The following DNAAF9 variants were observed in gnomAD, a reference collection of about 807,000 sequenced individuals.
The protein encoded by DNAAF9 is dynein axonemal assembly factor 9.
Under a neutral mutation model 167.0 loss-of-function variants are expected in DNAAF9, and 90 were observed. That is an observed-to-expected ratio of 0.54 (90% CI 0.45 to 0.64). The LOEUF is 0.64. DNAAF9 is among the 30% of genes least tolerant of loss of function. The pLI is 0.00. For missense variants in DNAAF9, 1,315 were observed against 1,442.2 expected, an observed-to-expected ratio of 0.91 and a Z score of 1.43; for synonymous variants, 491 against 508.8, an observed-to-expected ratio of 0.96 and a Z score of 0.47.
chr20:3,299,060 C>T (rs1029704432), intron 21 of DNAAF9, among the ~76,000 whole-genome samples: 1 of 151,738 alleles, frequency 6.6e-6, no homozygotes, highest in African/African-American at 2.4e-5. Flanking sequence ...AGGTCCGTGC[C>T]ACCATGCCCG....
rs745753589 is a variant in DNAAF9, at chr20:3,348,629, A to G, written c.691-6T>C. ...TGTTCAAAAGCCACCAAATCCTGGG[A>G]AAAAAAGGAAAAAGATAACGTGTTT... On this transcript the variant is annotated splice_polypyrimidine_tract_variant and splice_region_variant and intron_variant, in intron 7 of 36. Coordinates refer to ENST00000252032, the MANE Select transcript of DNAAF9 (RefSeq NM_001009984.3). 1.9e-6 allele frequency: 3 copies of G among 1,547,870 alleles called. No individual in the cohort carries two copies. Among genetic ancestry groups the G allele is most frequent in the South Asian group, 1.2e-5 (1 of 85,418 alleles).
intron 18 of DNAAF9, among the ~76,000 whole-genome samples, chr20:3,316,309 T>C (rs1351226284): frequency 6.6e-6 from 1 of 152,118 alleles, no homozygotes; most frequent in Admixed American, 6.5e-5. Flanking sequence ...AGATGGGACT[T>C]TTCTACTAGC....
intron 6 of DNAAF9, among the ~76,000 whole-genome samples, chr20:3,367,358 T>G (rs1278710399): frequency 6.6e-6 from 1 of 152,264 alleles, no homozygotes; most frequent in Non-Finnish European, 1.5e-5. Context: ...TTATAATTTG[T>G]GTTCAGTGAA....
chr20:3,334,707 A>G (rs1385028403), intron 10 of DNAAF9, among the ~76,000 whole-genome samples: 1 of 152,206 alleles, frequency 6.6e-6, no homozygotes, highest in Non-Finnish European at 1.5e-5. Context: ...TATCCTCACC[A>G]GCATTTGGTG....
intron 29 of DNAAF9, among the ~76,000 whole-genome samples, chr20:3,274,628 G>A (rs1427387989): frequency 1.3e-5 from 2 of 152,158 alleles, no homozygotes; most frequent in Non-Finnish European, 2.9e-5. Context: ...GATGGGAACC[G>A]TAACACATCA....
At position 3,349,927 on chromosome 20, in the gene DNAAF9, G is replaced by A. The variant is rs531237070; in HGVS notation, c.691-1304C>T. ...TGTTAGTCGCCCAGTCTAGTGCCTTGCTCATAGCAGGCATTCTGTTTGCTG... is the reference window on the plus strand; with the variant it reads ...TGTTAGTCGCCCAGTCTAGTGCCTTACTCATAGCAGGCATTCTGTTTGCTG... On this transcript the variant is annotated intron_variant, in intron 7 of 36. Coordinates refer to ENST00000252032, the MANE Select transcript of DNAAF9 (RefSeq NM_001009984.3). Among the ~76,000 whole-genome samples the A allele has an allele frequency of 1.6e-4, 24 of 152,162 alleles. No homozygotes were observed. The South Asian group carries it at 5.0e-3, about 32-fold the overall frequency.
chr20:3,328,186 T>TTTTTTTTTGTTTTGTTTTG (rs1373298620), intron 12 of DNAAF9, among the ~76,000 whole-genome samples: 7 of 147,334 alleles, frequency 4.8e-5, no homozygotes, highest in African/African-American at 7.7e-5. Context: ...TGGCTCTGTT[T>TTTTTTTTTGTTTTGTTTTG]TTTTTTTTTT....
chr20:3,306,259 T>A (rs2069290285), intron 20 of DNAAF9, among the ~76,000 whole-genome samples: 1 of 152,030 alleles, frequency 6.6e-6, no homozygotes, highest in South Asian at 2.1e-4. Context: ...GCTGTTTCCC[T>A]CCCCACACCC....
At chr20:3,302,901 T>C (rs2069215981) in intron 21 of DNAAF9, among the ~76,000 whole-genome samples, 1 of 152,204 alleles carries the variant, frequency 6.6e-6, no homozygotes, top group African/African-American at 2.4e-5. Flanking sequence ...GTATTTACAG[T>C]ATACTTTAAT....
At position 3,252,434 on chromosome 20, in the gene DNAAF9, C is replaced by T. The variant is rs999819215; in HGVS notation, c.*138G>A. ...ATACAGGGAATAAAGACAACATGCA[C>T]TCAAGCCAGCCCACACAGGCCAAGG... On this transcript the variant is annotated 3_prime_UTR_variant, in exon 37 of 37. Transcript: ENST00000252032. 3.2e-6 allele frequency: 2 copies of T among 634,610 alleles called. No homozygotes were observed. Among genetic ancestry groups the T allele is most frequent in the South Asian group, 1.8e-5 (1 of 54,072 alleles). 39.3% of individuals were successfully genotyped at this position (634,610 alleles called of 1,614,324 possible).
chr20:3,333,686 GT>G (rs34940756), intron 10 of DNAAF9, among the ~76,000 whole-genome samples: 8 of 150,250 alleles, frequency 5.3e-5, no homozygotes, highest in East Asian at 2.0e-4. Context: ...CTTATTAAAG[GT>G]TTTTTTTTTA....
At chr20:3,361,831 A>C in intron 6 of DNAAF9, 1 of 1,423,474 alleles carries the variant, frequency 7.0e-7, no homozygotes, top group Middle Eastern at 2.5e-4. Flanking sequence ...AAGACTGCTT[A>C]AATCGAATGT....
chr20:3,339,164 C>T (rs752661622), intron 10 of DNAAF9, among the ~76,000 whole-genome samples: 3 of 152,166 alleles, frequency 2.0e-5, no homozygotes, highest in Non-Finnish European at 4.4e-5. Context: ...TTTCCACCTC[C>T]CTGTTTACAC....
chr20:3,292,127 T>C (rs1172733850), intron 25 of DNAAF9, among the ~76,000 whole-genome samples: 1 of 151,800 alleles, frequency 6.6e-6, no homozygotes. Flanking sequence ...GCCTCCCGAG[T>C]AGCTGGGACT....
At chr20:3,303,101 G>A (rs1486887775) in intron 21 of DNAAF9, among the ~76,000 whole-genome samples, 1 of 152,072 alleles carries the variant, frequency 6.6e-6, no homozygotes, top group Non-Finnish European at 1.5e-5. Flanking sequence ...AATTAGCCGG[G>A]CGTGGTGGCA....
At chr20:3,361,143 G>T (rs983948541) in intron 6 of DNAAF9, among the ~76,000 whole-genome samples, 5 of 152,192 alleles carry the variant, frequency 3.3e-5, no homozygotes, top group Admixed American at 1.3e-4. Flanking sequence ...CATGGAAGGT[G>T]TTGGGTGGTG....
chr20:3,301,880 A>G (rs932727025), intron 21 of DNAAF9, among the ~76,000 whole-genome samples: 2 of 152,226 alleles, frequency 1.3e-5, no homozygotes, highest in African/African-American at 2.4e-5. Context: ...TGTCTAAATC[A>G]CCAAAAATGT....
At chr20:3,332,977 C>G (rs1438579661) in intron 10 of DNAAF9, among the ~76,000 whole-genome samples, 1 of 150,658 alleles carries the variant, frequency 6.6e-6, no homozygotes, top group African/African-American at 2.4e-5. Flanking sequence ...CTGTTGGATA[C>G]TCAGTTAGCC....
intron 11 of DNAAF9, among the ~76,000 whole-genome samples, chr20:3,331,089 CCTA>C (rs1288286613): frequency 6.6e-6 from 1 of 152,076 alleles, no homozygotes; most frequent in African/African-American, 2.4e-5. Context: ...CCATGCCCAG[CCTA>C]CTTTTTTCTT....
Sources: gnomAD v4.1 joint callset for allele counts (sites outside exome capture counted in the v4.1 genomes callset) on GRCh38, gnomAD v4.1.1 for gene constraint, MANE v1.5 for transcripts, NCBI Gene and HGNC (gene_info 2026-07-23, HGNC 2026-07-21) for gene names.